KCTD1: variants seen among roughly 807,000 people sequenced by gnomAD.
KCTD1 encodes potassium channel tetramerization domain containing 1.
A neutral mutation model predicts 66.0 loss-of-function variants in KCTD1; 24 were observed. The ratio of observed to expected loss-of-function variants is 0.36; its 90% CI spans 0.26 to 0.51. The LOEUF is 0.51. KCTD1 is among the 20% of genes least tolerant of loss of function. KCTD1 has a pLI of 0.95. For missense variants in KCTD1, 943 were observed against 1,205.2 expected, an observed-to-expected ratio of 0.78 and a Z score of 3.22; for synonymous variants, 511 against 517.2, an observed-to-expected ratio of 0.99 and a Z score of 0.16.
intron 2 of KCTD1, among the ~76,000 whole-genome samples, chr18:26,494,057 A>G (rs1486806579): frequency 6.6e-6 from 1 of 152,190 alleles, no homozygotes; most frequent in African/African-American, 2.4e-5. Context: ...TGAGGAGCAC[A>G]CAGTAAGTCT....
At chr18:26,624,888 C>A (rs1987465461) in intron 1 of KCTD1, among the ~76,000 whole-genome samples, 1 of 152,216 alleles carries the variant, frequency 6.6e-6, no homozygotes, top group Admixed American at 6.5e-5. Context: ...CCCTGCAAAG[C>A]CATAGGGGTA....
intron 1 of KCTD1, among the ~76,000 whole-genome samples, chr18:26,607,293 G>A (rs1044333146): frequency 6.6e-6 from 1 of 152,168 alleles, no homozygotes; most frequent in Admixed American, 6.5e-5. Context: ...AGCCTCCTGA[G>A]TAATTGGGAT....
chr18:26,614,642 G>C (rs1987210929), intron 1 of KCTD1, among the ~76,000 whole-genome samples: 2 of 152,124 alleles, frequency 1.3e-5, no homozygotes, highest in Admixed American at 6.5e-5. Flanking sequence ...GGAGACTTGG[G>C]GCCTGATCTT....
chr18:26,520,409 C>A (rs990475180), intron 1 of KCTD1, among the ~76,000 whole-genome samples: 1 of 152,188 alleles, frequency 6.6e-6, no homozygotes. Flanking sequence ...GACTCTACAA[C>A]AGAAGACCTC....
intron 1 of KCTD1, chr18:26,655,857 T>G (rs980943597): frequency 6.6e-6 from 1 of 152,202 alleles, no homozygotes; most frequent in Non-Finnish European, 1.5e-5. Context: ...TGCACCCAGG[T>G]CTGCTTTCCT....
chr18:26,511,922 T>A (rs539344188), intron 1 of KCTD1, among the ~76,000 whole-genome samples: 3 of 152,140 alleles, frequency 2.0e-5, no homozygotes, highest in Non-Finnish European at 4.4e-5. Flanking sequence ...CCACAGAGAA[T>A]TGGCACTTTA....
At chr18:26,617,880 G>A in intron 1 of KCTD1, among the ~76,000 whole-genome samples, 1 of 143,254 alleles carries the variant, frequency 7.0e-6, no homozygotes, top group African/African-American at 2.6e-5. Flanking sequence ...AGGGAGGGAG[G>A]GAAGGAGGGC....
chr18:26,551,176 G>A (rs1313583638), upstream of KCTD1, among the ~76,000 whole-genome samples: 1 of 152,184 alleles, frequency 6.6e-6, no homozygotes, highest in South Asian at 2.1e-4. Context: ...GACGCTCCGG[G>A]AAACAAAGCA....
chr18:26,608,565 T>C (rs561750865), intron 1 of KCTD1, among the ~76,000 whole-genome samples: 2 of 152,320 alleles, frequency 1.3e-5, no homozygotes, highest in East Asian at 1.9e-4. Context: ...CAGCAGTCCA[T>C]ATGGGGCAGG....
At chr18:26,641,732 G>A (rs997908190), upstream of KCTD1, among the ~76,000 whole-genome samples, 2 of 152,044 alleles carry the variant, frequency 1.3e-5, no homozygotes, top group African/African-American at 4.8e-5. Context: ...CCCTTCTTTA[G>A]GCACAAAATC....
At chr18:26,501,350 A>C in intron 1 of KCTD1, 100 bp from the exon 2 acceptor site, 1 of 1,054,508 alleles carries the variant, frequency 9.5e-7, no homozygotes, top group Non-Finnish European at 1.3e-6. Context: ...AACGATACTC[A>C]TTCAGTAATA....
At chr18:26,625,504 C>A (rs1987479332) in intron 1 of KCTD1, among the ~76,000 whole-genome samples, 1 of 152,144 alleles carries the variant, frequency 6.6e-6, no homozygotes, top group Non-Finnish European at 1.5e-5. Flanking sequence ...CTCCTTCCTG[C>A]CACCATGTGG....
chr18:26,632,077 A>AC (rs1254313464), upstream of KCTD1, among the ~76,000 whole-genome samples: 13 of 138,680 alleles, frequency 9.4e-5, no homozygotes, highest in Admixed American at 5.1e-4. Flanking sequence ...AACAAAAAAA[A>AC]ACCATTTCAT....
intron 1 of KCTD1, among the ~76,000 whole-genome samples, chr18:26,656,867 G>A (rs1988159955): frequency 7.7e-6 from 1 of 129,426 alleles, no homozygotes; most frequent in East Asian, 2.7e-4. Context: ...CGCCGGGGAA[G>A]AAAGGGACGC....
At position 26,514,350 on chromosome 18, in the gene KCTD1, C is replaced by T. The variant is rs538651813; in HGVS notation, c.1810-13100G>A. On this transcript the variant is annotated intron_variant, in intron 1 of 4. Coordinates refer to ENST00000580059, the MANE Select transcript of KCTD1 (RefSeq NM_001142730.3). Reference sequence around the variant, plus strand: ...GGAGGGCTGCTTGCGGCCAGGAGTTCGAGACCAGCCTGGGCAACACAGTGA... The same window carrying T: ...GGAGGGCTGCTTGCGGCCAGGAGTTTGAGACCAGCCTGGGCAACACAGTGA... Among the ~76,000 whole-genome samples, 242 of 151,988 alleles carry T rather than the reference C, an allele frequency of 1.6e-3. 2 individuals are homozygous for T. Among genetic ancestry groups the T allele is most frequent in the Non-Finnish European group, 1.2e-3 (80 of 67,964 alleles).
At chr18:26,572,781 G>T (rs1217102590) in intron 1 of KCTD1, among the ~76,000 whole-genome samples, 1 of 152,190 alleles carries the variant, frequency 6.6e-6, no homozygotes, top group African/African-American at 2.4e-5. Flanking sequence ...TAGGTGAGGA[G>T]CTCCCATGTT....
intron 1 of KCTD1, among the ~76,000 whole-genome samples, chr18:26,569,470 G>C (rs1986052973): frequency 6.6e-6 from 1 of 151,804 alleles, no homozygotes; most frequent in Non-Finnish European, 1.5e-5. Context: ...TCATGGAAAA[G>C]AAACACTTCC....
chr18:26,486,469 GAACT>G (rs1258604428), intron 2 of KCTD1, among the ~76,000 whole-genome samples: 1 of 152,176 alleles, frequency 6.6e-6, no homozygotes, highest in East Asian at 1.9e-4. Context: ...GTTACAGAAC[GAACT>G]CTTTTGCATG....
intron 1 of KCTD1, among the ~76,000 whole-genome samples, chr18:26,554,181 AGG>A (rs1376756855): frequency 6.8e-6 from 1 of 147,018 alleles, no homozygotes; most frequent in African/African-American, 2.6e-5. Flanking sequence ...GAAAGAAGGA[AGG>A]AAAAAAGAAA....
Sources: allele counts gnomAD v4.1 joint callset (sites outside exome capture counted in the v4.1 genomes callset), GRCh38; gene constraint gnomAD v4.1.1; transcripts MANE v1.5; gene names NCBI Gene and HGNC (gene_info 2026-07-23, HGNC 2026-07-21).